Variants in AKAP19 observed in about 807,000 individuals in gnomAD.
The protein encoded by AKAP19 is A-kinase anchoring protein 19, also known as small A-kinase anchoring protein.
the AKAP19 span, chr2:190,199,976 C>T: frequency 2.5e-6 from 4 of 1,614,100 alleles, no homozygotes; most frequent in Non-Finnish European, 3.4e-6. Context: ...CCTAGGATGG[C>T]TTCTCCAGTT....
chr2:190,063,612 A>G, the AKAP19 span, among the ~76,000 whole-genome samples: 82 of 152,164 alleles, frequency 5.4e-4, no homozygotes, highest in Non-Finnish European at 9.3e-4. Context: ...TGCAGTATCT[A>G]TTCTCTATAA....
chr2:190,184,677 G>A, the AKAP19 span, among the ~76,000 whole-genome samples: 1,158 of 152,254 alleles, frequency 7.6e-3, 5 homozygotes, highest in Non-Finnish European at 0.013. Flanking sequence ...TATCCTCAAA[G>A]ATAGTACTTG....
the AKAP19 span, among the ~76,000 whole-genome samples, chr2:189,980,176 G>T: frequency 7.2e-5 from 11 of 152,158 alleles, no homozygotes; most frequent in African/African-American, 2.4e-4. Flanking sequence ...TCCATTAATT[G>T]TAGACTGGAT....
chr2:190,150,650 G>A, the AKAP19 span, among the ~76,000 whole-genome samples: 1 of 152,156 alleles, frequency 6.6e-6, no homozygotes, highest in African/African-American at 2.4e-5. Context: ...AGTCAGTATG[G>A]AGCTAAAATT....
the AKAP19 span, among the ~76,000 whole-genome samples, chr2:189,949,508 GAAAAAA>G: frequency 4.2e-5 from 6 of 144,274 alleles, no homozygotes; most frequent in Admixed American, 6.9e-5. Context: ...CTCAAAAAAA[GAAAAAA>G]AAAAAGGAAA....
the AKAP19 span, among the ~76,000 whole-genome samples, chr2:189,948,915 T>C: frequency 2.0e-5 from 3 of 152,176 alleles, no homozygotes; most frequent in Non-Finnish European, 4.4e-5. Flanking sequence ...TTTTAAGTTC[T>C]TTTGTGATTT....
At chr2:190,128,573 A>C in the AKAP19 span, among the ~76,000 whole-genome samples, 2 of 152,222 alleles carry the variant, frequency 1.3e-5, no homozygotes, top group South Asian at 4.1e-4. Context: ...TTAAATCAGG[A>C]TATCTTAAAC....
chr2:190,045,231 G>T, the AKAP19 span, among the ~76,000 whole-genome samples: 1 of 151,972 alleles, frequency 6.6e-6, no homozygotes, highest in South Asian at 2.1e-4. Context: ...GAAACAGTCT[G>T]GCCACATTTT....
chr2:189,938,177 T>A, the AKAP19 span, among the ~76,000 whole-genome samples: 1 of 151,172 alleles, frequency 6.6e-6, no homozygotes, highest in Admixed American at 6.6e-5. Context: ...TCTACTAAAG[T>A]ACAAAAAAAT....
chr2:190,128,198 T>C, the AKAP19 span, among the ~76,000 whole-genome samples: 3 of 152,184 alleles, frequency 2.0e-5, no homozygotes, highest in African/African-American at 4.8e-5. Context: ...GCAGTTTTCA[T>C]TGGGGTTTTA....
the AKAP19 span, among the ~76,000 whole-genome samples, chr2:189,953,885 GT>G: frequency 6.6e-6 from 1 of 152,124 alleles, no homozygotes; most frequent in African/African-American, 2.4e-5. Flanking sequence ...TGCATCTTTT[GT>G]TTGTTTATTG....
chr2:190,082,373 T>A, the AKAP19 span, among the ~76,000 whole-genome samples: 2 of 152,262 alleles, frequency 1.3e-5, no homozygotes, highest in Non-Finnish European at 2.9e-5. Context: ...TCCCAGCCTG[T>A]CAGGATGGCC....
chr2:190,122,120 C>A, the AKAP19 span, among the ~76,000 whole-genome samples: 2 of 152,042 alleles, frequency 1.3e-5, no homozygotes, highest in Non-Finnish European at 2.9e-5. Context: ...AAGTACTTGT[C>A]GATAGATATT....
chr2:190,192,490 GTA>G, the AKAP19 span, among the ~76,000 whole-genome samples: 3 of 144,302 alleles, frequency 2.1e-5, no homozygotes, highest in African/African-American at 7.7e-5. Context: ...GTGTGTGTGT[GTA>G]TCTATATATC....
the AKAP19 span, among the ~76,000 whole-genome samples, chr2:189,986,131 C>A: frequency 6.6e-6 from 1 of 152,094 alleles, no homozygotes; most frequent in Non-Finnish European, 1.5e-5. Flanking sequence ...ATCTAAACTA[C>A]CCTCCTTCTT....
chr2:189,912,056 G>T, the AKAP19 span, among the ~76,000 whole-genome samples: 1 of 151,128 alleles, frequency 6.6e-6, no homozygotes, highest in South Asian at 2.1e-4. Flanking sequence ...TGCATGTTAA[G>T]GGAGCTTAGA....
chr2:190,101,760 A>C, the AKAP19 span, among the ~76,000 whole-genome samples: 1 of 152,232 alleles, frequency 6.6e-6, no homozygotes, highest in East Asian at 1.9e-4. Flanking sequence ...GAACTTGAAC[A>C]CCCCACTAAC....
chr2:190,181,129 G>A, the AKAP19 span: 1 of 985,546 alleles, frequency 1.0e-6, no homozygotes, highest in Admixed American at 6.1e-5. Context: ...CATCTGGGAG[G>A]TGGGTGACTG....
chr2:189,902,840 T>C, the AKAP19 span, among the ~76,000 whole-genome samples: 1 of 151,928 alleles, frequency 6.6e-6, no homozygotes, highest in Admixed American at 6.6e-5. Context: ...GTTATCGGTT[T>C]CACTGTACAG....
Sources: gnomAD v4.1 joint callset for allele counts (sites outside exome capture counted in the v4.1 genomes callset) on GRCh38, gnomAD v4.1.1 for gene constraint, MANE v1.5 for transcripts, NCBI Gene and HGNC (gene_info 2026-07-23, HGNC 2026-07-21) for gene names.